Variants in VCAN observed in about 807,000 individuals in gnomAD.
VCAN encodes the protein versican core protein.
In VCAN, 44 loss-of-function variants were observed where a neutral mutation model predicts 245.5. The observed-to-expected ratio is 0.18, with a 90% CI of 0.14 to 0.23. VCAN has a LOEUF of 0.23. Ranked by LOEUF, VCAN falls within the 10% of genes least tolerant of loss-of-function variation. VCAN has a pLI of 1.00. For missense variants in VCAN, 3,793 were observed against 4,057.9 expected (o/e 0.93, Z 1.77); for synonymous variants, 1,413 against 1,437.0 (o/e 0.98, Z 0.38).
intron 13 of VCAN, among the ~76,000 whole-genome samples, chr5:83,576,128 A>G (rs1286070152): frequency 6.6e-6 from 1 of 152,126 alleles, no homozygotes; most frequent in East Asian, 1.9e-4. Flanking sequence ...ACCTCAATGC[A>G]TACTGCCCAT....
At chr5:83,493,498 A>C (rs1399722756) in intron 3 of VCAN, 48 bp from the exon 4 acceptor site, 1 of 1,611,750 alleles carries the variant, frequency 6.2e-7, no homozygotes, top group Non-Finnish European at 8.5e-7. Context: ...TGCACAGTGC[A>C]GTGGGAGATT....
chr5:83,531,184 G>A (rs1224629525), intron 7 of VCAN, among the ~76,000 whole-genome samples: 1 of 152,156 alleles, frequency 6.6e-6, no homozygotes, highest in Non-Finnish European at 1.5e-5. Flanking sequence ...GAGAGGAAAA[G>A]TTTAATTGTA....
chr5:83,490,129 C>T lies in VCAN; in HGVS notation c.102C>T (p.Gly34=), dbSNP rs1744929247. The stretch of plus-strand genomic sequence containing the variant: ...TGGGAAAAAGCCCACCGGTGAGGGG[C>T]TCCCTCTCTGGAAAAGTCAGCCTAC... The part of the protein sequence containing the change: ...VKVGKSPPVR[G]SLSGKVSLPC... Residue 34 remains glycine (G), a synonymous_variant, in exon 3 of 15, where the codon GGC becomes GGT. Coordinates refer to ENST00000265077, the MANE Select transcript of VCAN (RefSeq NM_004385.5). 2 of 1,614,116 alleles carry T rather than the reference C, an allele frequency of 1.2e-6. No individual in the cohort carries two copies. Among genetic ancestry groups the T allele is most frequent in the Non-Finnish European group, 1.7e-6 (2 of 1,180,020 alleles).
intron 7 of VCAN, among the ~76,000 whole-genome samples, chr5:83,528,114 G>A (rs1384714838): frequency 6.6e-6 from 1 of 152,110 alleles, no homozygotes; most frequent in African/African-American, 2.4e-5. Context: ...AGGCATATTG[G>A]CCAGCTAACA....
At position 83,512,364 on chromosome 5, in the gene VCAN, CT is replaced by C; in HGVS notation, c.1011del (p.Asp338IlefsTer19). ...GAGAACCAGACAGGCTTCCCTCCCC[CT>C]GATAGCAGATTTGATGCCTACTGCT... The part of the protein sequence containing the change: ...RFENQTGFPP[P>X]DSRFDAYCFK... On this transcript the variant is annotated frameshift_variant, in exon 6 of 15. Transcript: ENST00000265077. LOFTEE classifies it high-confidence loss of function. The C allele has an allele frequency of 1.2e-6, 2 of 1,611,816 alleles. No homozygotes were observed. The highest frequency in any genetic ancestry group is 1.7e-6 in the Non-Finnish European group (2 of 1,178,138).
intron 10 of VCAN, 82 bp from the exon 11 acceptor site, chr5:83,553,282 G>A (rs1041089578): frequency 1.3e-6 from 2 of 1,566,488 alleles, no homozygotes; most frequent in Non-Finnish European, 8.7e-7. Flanking sequence ...ACTGGCTTGG[G>A]TATCCTACTA....
intron 12 of VCAN, 47 bp downstream of exon 12, chr5:83,555,085 T>C: frequency 6.3e-7 from 1 of 1,597,538 alleles, no homozygotes; most frequent in East Asian, 2.2e-5. Context: ...TCTGGAAATT[T>C]GGTACTGTGC....
chr5:83,563,354 G>T (rs1747945659), intron 12 of VCAN, among the ~76,000 whole-genome samples: 1 of 152,080 alleles, frequency 6.6e-6, no homozygotes, highest in Non-Finnish European at 1.5e-5. Flanking sequence ...AAAGTTAAAT[G>T]CACCACTCCC....
chr5:83,532,834 T>C (rs1746572644), intron 7 of VCAN, among the ~76,000 whole-genome samples: 1 of 152,178 alleles, frequency 6.6e-6, no homozygotes, highest in Non-Finnish European at 1.5e-5. Flanking sequence ...TCAACTCCCA[T>C]TTTGCATATT....
chr5:83,542,786 G>C (rs559162835), intron 8 of VCAN, among the ~76,000 whole-genome samples: 5 of 152,282 alleles, frequency 3.3e-5, no homozygotes, highest in Non-Finnish European at 5.9e-5. Context: ...TATATGCAAT[G>C]TCCTTGTTTA....
intron 1 of VCAN, among the ~76,000 whole-genome samples, chr5:83,477,403 G>A (rs1217436051): frequency 3.9e-5 from 6 of 152,094 alleles, no homozygotes; most frequent in Non-Finnish European, 8.8e-5. Context: ...TGGAAAGGAA[G>A]AATTATTCAA....
At chr5:83,505,427 C>T (rs1027203099) in intron 5 of VCAN, among the ~76,000 whole-genome samples, 1 of 152,182 alleles carries the variant, frequency 6.6e-6, no homozygotes, top group Non-Finnish European at 1.5e-5. Flanking sequence ...AGTCCAAAAT[C>T]CAGTGGAGCA....
intron 5 of VCAN, among the ~76,000 whole-genome samples, chr5:83,494,703 A>G (rs555419336): frequency 2.2e-4 from 34 of 152,378 alleles, no homozygotes; most frequent in Non-Finnish European, 4.3e-4. Flanking sequence ...CTGTAGTCCC[A>G]GCACTTTGGG....
At chr5:83,561,861 CT>C (rs1180990575) in intron 12 of VCAN, among the ~76,000 whole-genome samples, 1 of 152,162 alleles carries the variant, frequency 6.6e-6, no homozygotes, top group Non-Finnish European at 1.5e-5. Context: ...TCCCCTTCCT[CT>C]CCCAGATGTC....
chr5:83,504,812 G>A (rs1371695069), intron 5 of VCAN, among the ~76,000 whole-genome samples: 3 of 152,094 alleles, frequency 2.0e-5, no homozygotes. Context: ...TGCTGATAAA[G>A]ACATACCCAA....
rs1745062817 is a variant in VCAN at position 83,493,852 on chromosome 5, A to C, written c.669A>C (p.Gly223=). Reference sequence around the variant, plus strand: ...TAGGCTGTTATGGAGATAAGATGGGAAAGGCAGGAGTCAGGACTTATGGAT... The same window carrying C: ...TAGGCTGTTATGGAGATAAGATGGGCAAGGCAGGAGTCAGGACTTATGGAT... ...PRVGCYGDKM[G]KAGVRTYGFR... is the part of the protein sequence containing the mutation. Residue 223 remains glycine, a synonymous_variant, in exon 5 of 15, where the codon GGA becomes GGC. Coordinates refer to ENST00000265077, the MANE Select transcript of VCAN (RefSeq NM_004385.5). 1.9e-6 allele frequency: 3 copies of C among 1,614,016 alleles called. No individual in the cohort carries two copies. The highest frequency in any genetic ancestry group is 2.5e-6 in the Non-Finnish European group (3 of 1,180,000).
chr5:83,568,287 T>C (rs1267063791), intron 12 of VCAN, among the ~76,000 whole-genome samples: 1 of 152,180 alleles, frequency 6.6e-6, no homozygotes, highest in Non-Finnish European at 1.5e-5. Flanking sequence ...CTAGCCAAGA[T>C]AAATCTGCAC....
At position 83,581,689 on chromosome 5, in the gene VCAN, A is replaced by G. The variant is rs577557523; in HGVS notation, c.*1255A>G. ...CCCATTCTAAGAAATGAGCGAATATATAGAAATAGTGTGGGCATTTCTTCC... is the reference window on the plus strand; with the variant it reads ...CCCATTCTAAGAAATGAGCGAATATGTAGAAATAGTGTGGGCATTTCTTCC... On this transcript the variant is annotated 3_prime_UTR_variant, in exon 15 of 15. Transcript: ENST00000265077. 3.9e-5 allele frequency: 6 copies of G among 152,336 alleles called. No homozygotes were observed. Among genetic ancestry groups the G allele is most frequent in the African/African-American group, 1.4e-4 (6 of 41,574 alleles). 9.4% of individuals were successfully genotyped at this position (152,336 alleles called of 1,614,324 possible). A position where few individuals can be genotyped will look rare whatever the true frequency, so the allele number is the denominator to read the frequency against.
intron 2 of VCAN, among the ~76,000 whole-genome samples, chr5:83,486,663 T>C (rs893841891): frequency 3.9e-5 from 6 of 152,226 alleles, no homozygotes; most frequent in Non-Finnish European, 7.3e-5. Flanking sequence ...ACTCATGCAA[T>C]GAAAAACAAC....
Sources: allele counts gnomAD v4.1 joint callset (sites outside exome capture counted in the v4.1 genomes callset), GRCh38; gene constraint gnomAD v4.1.1; transcripts MANE v1.5; gene names NCBI Gene and HGNC (gene_info 2026-07-23, HGNC 2026-07-21).